ROBO2: variants seen among roughly 807,000 people sequenced by gnomAD.
ROBO2 encodes the protein roundabout guidance receptor 2.
A neutral mutation model predicts 160.8 loss-of-function variants in ROBO2; 53 were observed. The ratio of observed to expected loss-of-function variants is 0.33; its 90% CI spans 0.26 to 0.41. The LOEUF is 0.41. ROBO2 is among the 10% of genes least tolerant of loss of function. The probability of loss-of-function intolerance (pLI) is 1.00; values close to 1 mark genes in which losing one functional copy is unlikely to be tolerated. For synonymous variants in ROBO2, 664 were observed against 611.7 expected (o/e 1.09, Z -1.26); for missense variants, 1,577 against 1,722.4 (o/e 0.92, Z 1.49).
chr3:76,023,941 C>G (rs1329001362), intron 2 of ROBO2, among the ~76,000 whole-genome samples: 1 of 151,500 alleles, frequency 6.6e-6, no homozygotes, highest in African/African-American at 2.4e-5. Context: ...AATCAAATCT[C>G]TCTGATGCCA....
chr3:77,040,791 T>A, exon 1 of ROBO2: 1 of 1,614,032 alleles, frequency 6.2e-7, no homozygotes, highest in Non-Finnish European at 8.5e-7. Context: ...TCAAAATGAG[T>A]CTGCTGATGT....
At chr3:77,024,050 TC>T (rs1201118114) in intron 2 of ROBO2, among the ~76,000 whole-genome samples, 1 of 152,198 alleles carries the variant, frequency 6.6e-6, no homozygotes, top group East Asian at 1.9e-4. Flanking sequence ...TTTTTGTAGA[TC>T]GTGTATATAT....
chr3:76,258,141 T>C (rs1011268026), intron 2 of ROBO2, among the ~76,000 whole-genome samples: 2 of 152,066 alleles, frequency 1.3e-5, no homozygotes, highest in Admixed American at 6.6e-5. Context: ...AAGCGTCTTA[T>C]CAAAACTAAA....
At chr3:76,450,157 A>G (rs991251698) in intron 2 of ROBO2, among the ~76,000 whole-genome samples, 3 of 152,098 alleles carry the variant, frequency 2.0e-5, no homozygotes, top group African/African-American at 7.2e-5. Flanking sequence ...TATGTTTTTC[A>G]ATGCTGATAG....
intron 2 of ROBO2, among the ~76,000 whole-genome samples, chr3:77,002,560 G>T (rs920366636): frequency 2.0e-5 from 3 of 151,954 alleles, no homozygotes; most frequent in African/African-American, 7.2e-5. Flanking sequence ...TCTACTTATA[G>T]TTTAGTATTA....
intron 2 of ROBO2, among the ~76,000 whole-genome samples, chr3:76,368,058 A>T (rs2108454889): frequency 6.6e-6 from 1 of 152,102 alleles, no homozygotes; most frequent in African/African-American, 2.4e-5. Flanking sequence ...AAATAGTCAT[A>T]TATTACTATT....
intron 2 of ROBO2, among the ~76,000 whole-genome samples, chr3:76,450,138 C>A (rs1377142324): frequency 6.6e-6 from 1 of 152,058 alleles, no homozygotes; most frequent in African/African-American, 2.4e-5. Flanking sequence ...ATTCTTAGCC[C>A]TGTGGTTTTA....
At chr3:76,272,698 A>C (rs1215781868) in intron 2 of ROBO2, among the ~76,000 whole-genome samples, 2 of 127,096 alleles carry the variant, frequency 1.6e-5, no homozygotes, top group South Asian at 2.2e-4. Flanking sequence ...TATATATTCT[A>C]TATATATAAA....
chr3:77,430,470 A>G (rs2078658994), intron 2 of ROBO2, among the ~76,000 whole-genome samples: 1 of 152,056 alleles, frequency 6.6e-6, no homozygotes, highest in Admixed American at 6.5e-5. Flanking sequence ...AATTTTATTG[A>G]TAGGATATGG....
chr3:76,019,031 T>C (rs936733267), intron 2 of ROBO2, among the ~76,000 whole-genome samples: 1 of 152,030 alleles, frequency 6.6e-6, no homozygotes, highest in Non-Finnish European at 1.5e-5. Context: ...CTGAGAATAC[T>C]GTGTATTCCT....
At chr3:76,660,233 C>A (rs573653922) in intron 2 of ROBO2, among the ~76,000 whole-genome samples, 1 of 152,238 alleles carries the variant, frequency 6.6e-6, no homozygotes, top group African/African-American at 2.4e-5. Context: ...GTGTACTTTA[C>A]TAAATATCAG....
chr3:76,558,262 A>T (rs1184062097), intron 2 of ROBO2, among the ~76,000 whole-genome samples: 1 of 152,184 alleles, frequency 6.6e-6, no homozygotes, highest in East Asian at 1.9e-4. Context: ...TGATTTCATC[A>T]TAGTTTCAGA....
chr3:77,316,366 T>C (rs2063991324), intron 2 of ROBO2, among the ~76,000 whole-genome samples: 1 of 152,154 alleles, frequency 6.6e-6, no homozygotes, highest in South Asian at 2.1e-4. Context: ...TGTCAAGCAG[T>C]GAGCCTCTCA....
chr3:76,726,618 G>A (rs1351895751), intron 2 of ROBO2, among the ~76,000 whole-genome samples: 2 of 151,970 alleles, frequency 1.3e-5, no homozygotes, highest in African/African-American at 4.8e-5. Flanking sequence ...CATCTGCTTC[G>A]TATTGAGGAG....
At chr3:76,511,577 T>C (rs2081093008) in intron 2 of ROBO2, among the ~76,000 whole-genome samples, 1 of 152,178 alleles carries the variant, frequency 6.6e-6, no homozygotes, top group Non-Finnish European at 1.5e-5. Context: ...AACAGTGTAC[T>C]AGCCTCCGTG....
intron 2 of ROBO2, among the ~76,000 whole-genome samples, chr3:76,675,083 A>C (rs76316223): frequency 6.6e-6 from 1 of 152,192 alleles, no homozygotes. Flanking sequence ...ATAGCCATAG[A>C]CTATTCTTCA....
intron 5 of ROBO2, among the ~76,000 whole-genome samples, chr3:77,507,328 T>C (rs1242010153): frequency 1.3e-5 from 2 of 152,192 alleles, no homozygotes; most frequent in East Asian, 3.9e-4. Context: ...CCCCAGCTAG[T>C]TCTCAGTTTG....
intron 2 of ROBO2, among the ~76,000 whole-genome samples, chr3:76,481,672 A>G (rs891829013): frequency 2.0e-5 from 3 of 152,126 alleles, no homozygotes; most frequent in Non-Finnish European, 4.4e-5. Context: ...CTTTTAAACC[A>G]GGAACTCTGT....
intron 2 of ROBO2, among the ~76,000 whole-genome samples, chr3:77,343,499 C>A (rs777309748): frequency 1.3e-5 from 2 of 152,078 alleles, no homozygotes; most frequent in Admixed American, 6.6e-5. Flanking sequence ...CGCTCATGAA[C>A]CCACTTATTT....
Sources: allele counts gnomAD v4.1 joint callset (sites outside exome capture counted in the v4.1 genomes callset), GRCh38; gene constraint gnomAD v4.1.1; transcripts MANE v1.5; gene names NCBI Gene and HGNC (gene_info 2026-07-23, HGNC 2026-07-21).